The following CCDC28A variants were observed in gnomAD, a reference collection of about 807,000 sequenced individuals.
The protein encoded by CCDC28A is coiled-coil domain-containing protein 28A.
In CCDC28A, 24 loss-of-function variants were observed where a neutral mutation model predicts 22.1. The observed-to-expected ratio is 1.09, with a 90% CI of 0.79 to 1.53. The LOEUF (loss-of-function observed/expected upper bound fraction) is 1.53. CCDC28A is among the 40% of genes most tolerant of loss of function. The probability of loss-of-function intolerance (pLI) is 0.00; values close to 1 mark genes in which losing one functional copy is unlikely to be tolerated. For missense variants in CCDC28A, 170 were observed against 210.7 expected (o/e 0.81, Z 1.20); for synonymous variants, 83 against 74.7 (o/e 1.11, Z -0.57).
At chr6:138,783,583 G>A (rs540002676) in intron 3 of CCDC28A, among the ~76,000 whole-genome samples, 26 of 151,556 alleles carry the variant, frequency 1.7e-4, no homozygotes, top group African/African-American at 4.4e-4. Flanking sequence ...GACTACAGGC[G>A]CCCACCACCA....
rs1163320489 is a variant in CCDC28A, at chr6:138,773,917, C to G, written c.-43+15C>G. ...TTCTTCTTCAGGTATGTAGTGGAAG[C>G]AAAGGAACCTCCGCAACCTGCCCCT... On this transcript the variant is annotated intron_variant, in intron 1 of 5. Coordinates refer to ENST00000617445, the MANE Select transcript of CCDC28A (RefSeq NM_015439.3). 2 of 1,610,718 alleles carry G rather than the reference C, an allele frequency of 1.2e-6. No homozygotes were observed. The highest frequency in any genetic ancestry group is 1.1e-5 in the South Asian group (1 of 91,012).
intron 3 of CCDC28A, among the ~76,000 whole-genome samples, chr6:138,781,811 T>C (rs1775025850): frequency 6.6e-6 from 1 of 152,212 alleles, no homozygotes; most frequent in African/African-American, 2.4e-5. Flanking sequence ...TATTTTTGTC[T>C]ACCAAATTTG....
In CCDC28A at chr6:138,779,541, C is replaced by T. The variant is rs148456537; in HGVS notation, c.159-281C>T. On this transcript the variant is annotated intron_variant, in intron 2 of 5. Transcript: ENST00000617445. ...AATGTAAAGCATAGGATAATACAGA[C>T]TTACAAGTTTTCTTTTCTGCAGTCC... Among the ~76,000 whole-genome samples, 328 of 152,234 alleles carry T rather than the reference C, an allele frequency of 2.2e-3. 2 individuals carry two copies. Among genetic ancestry groups the T allele is most frequent in the African/African-American group, 7.5e-3 (313 of 41,540 alleles).
intron 3 of CCDC28A, among the ~76,000 whole-genome samples, chr6:138,780,929 T>G (rs1483797483): frequency 6.6e-6 from 1 of 152,192 alleles, no homozygotes; most frequent in Non-Finnish European, 1.5e-5. Context: ...TTTAAAAAAT[T>G]TTAACTTCCC....
At chr6:138,787,611 T>C (rs1267615986) in intron 4 of CCDC28A, among the ~76,000 whole-genome samples, 2 of 152,284 alleles carry the variant, frequency 1.3e-5, no homozygotes, top group African/African-American at 4.8e-5. Flanking sequence ...TAAAAACTTA[T>C]TAGAGATGAT....
intron 3 of CCDC28A, among the ~76,000 whole-genome samples, chr6:138,780,998 A>C (rs1775013265): frequency 6.6e-6 from 1 of 152,154 alleles, no homozygotes; most frequent in Admixed American, 6.5e-5. Flanking sequence ...ATACATATTG[A>C]TTTTTTAAAG....
intron 5 of CCDC28A, among the ~76,000 whole-genome samples, chr6:138,789,450 C>CTA (rs1775138135): frequency 6.6e-6 from 1 of 152,132 alleles, no homozygotes; most frequent in Non-Finnish European, 1.5e-5. Flanking sequence ...AATTTCCAAA[C>CTA]TATATATATA....
intron 4 of CCDC28A, among the ~76,000 whole-genome samples, chr6:138,786,782 A>T (rs1357088622): frequency 6.6e-6 from 1 of 152,024 alleles, no homozygotes; most frequent in Non-Finnish European, 1.5e-5. Context: ...CGCCCAGCTA[A>T]TTTTTTTATT....
intron 5 of CCDC28A, among the ~76,000 whole-genome samples, chr6:138,789,767 G>A (rs1775143533): frequency 6.6e-6 from 1 of 152,200 alleles, no homozygotes; most frequent in African/African-American, 2.4e-5. Flanking sequence ...GGAGGTTGCA[G>A]TAAGTAGGGA....
At chr6:138,788,777 T>C (rs947291554) in intron 5 of CCDC28A, among the ~76,000 whole-genome samples, 1 of 152,072 alleles carries the variant, frequency 6.6e-6, no homozygotes, top group African/African-American at 2.4e-5. Flanking sequence ...CTTGTTGTTT[T>C]CTATGCTGAA....
intron 2 of CCDC28A, among the ~76,000 whole-genome samples, chr6:138,778,315 A>T (rs1774966950): frequency 6.6e-6 from 1 of 151,848 alleles, no homozygotes; most frequent in Non-Finnish European, 1.5e-5. Flanking sequence ...AAGATAAATT[A>T]CTCTTTCTCC....
chr6:138,776,316 C>T (rs984024730), intron 2 of CCDC28A, 38 bp downstream of exon 2: 9 of 1,495,350 alleles, frequency 6.0e-6, no homozygotes, highest in East Asian at 4.5e-5. Context: ...AGTAAAATGC[C>T]ATTAAAGTAA....
intron 2 of CCDC28A, among the ~76,000 whole-genome samples, chr6:138,776,598 CTCTT>C (rs532472289): frequency 1.1e-3 from 174 of 151,968 alleles, no homozygotes; most frequent in African/African-American, 3.6e-3. Context: ...GTTTTTTGTT[CTCTT>C]TCTTTCTTTC....
At chr6:138,789,306 T>C (rs1775136816) in intron 5 of CCDC28A, among the ~76,000 whole-genome samples, 1 of 152,226 alleles carries the variant, frequency 6.6e-6, no homozygotes, top group African/African-American at 2.4e-5. Context: ...ATAGAAAGGA[T>C]GCTGCTTGTA....
chr6:138,786,652 T>C (rs1775096709), intron 4 of CCDC28A, among the ~76,000 whole-genome samples: 1 of 152,222 alleles, frequency 6.6e-6, no homozygotes, highest in African/African-American at 2.4e-5. Flanking sequence ...ACTCACTTTG[T>C]CACCCAGGCT....
chr6:138,780,479 C>T (rs1305322674), intron 3 of CCDC28A, among the ~76,000 whole-genome samples: 2 of 151,834 alleles, frequency 1.3e-5, no homozygotes, highest in Non-Finnish European at 1.5e-5. Flanking sequence ...GGTATTTTTT[C>T]GTAGTCACAG....
chr6:138,784,512 A>T (rs1190914955), intron 3 of CCDC28A, among the ~76,000 whole-genome samples: 1 of 151,684 alleles, frequency 6.6e-6, no homozygotes, highest in Non-Finnish European at 1.5e-5. Context: ...CACCATGCCT[A>T]GTTAATGCGT....
In CCDC28A at chr6:138,793,212, A is replaced by G. The variant is rs1775199799; in HGVS notation, c.*409A>G. 5.1e-6 allele frequency: 1 copy of G among 194,648 alleles called. No homozygotes were observed. The highest frequency in any genetic ancestry group is 2.4e-5 in the African/African-American group (1 of 42,180). The allele number at this position is 194,648 out of a possible 1,614,324, so 12.1% of individuals were successfully genotyped here. On this transcript the variant is annotated 3_prime_UTR_variant, in exon 6 of 6. Transcript: ENST00000617445. ...GGCAAGCCCAGCTTCAGTTTATGTTAGACAATCAGTACACATGCTGGTGTG... is the reference window on the plus strand; with the variant it reads ...GGCAAGCCCAGCTTCAGTTTATGTTGGACAATCAGTACACATGCTGGTGTG...
In CCDC28A at chr6:138,787,500, T is replaced by C. The variant is rs945120043; in HGVS notation, c.478-866T>C. Among the ~76,000 whole-genome samples the C allele has an allele frequency of 3.3e-5, 5 of 152,354 alleles. No homozygotes were observed. The South Asian group carries it at 1.0e-3, about 32-fold the overall frequency. ...CCAAACAGACTAAGACAAGGGGTGA[T>C]GAATTCTACCTCATATAGAAAATTG... On this transcript the variant is annotated intron_variant, in intron 4 of 5. Transcript: ENST00000617445.
Sources: allele counts gnomAD v4.1 joint callset (sites outside exome capture counted in the v4.1 genomes callset), GRCh38; gene constraint gnomAD v4.1.1; transcripts MANE v1.5; gene names NCBI Gene and HGNC (gene_info 2026-07-23, HGNC 2026-07-21).